Variants in NCAM1 observed in about 807,000 individuals in gnomAD.
NCAM1 encodes the protein antigen recognized by monoclonal antibody 5.1H11.
NCAM1 carries 14 observed loss-of-function variants against 109.8 expected under a neutral mutation model. The observed-to-expected ratio is 0.13, with a 90% confidence interval of 0.08 to 0.20. The LOEUF is 0.20. NCAM1 is among the 10% of genes least tolerant of loss of function. The probability of loss-of-function intolerance (pLI) is 1.00; values close to 1 mark genes in which losing one functional copy is unlikely to be tolerated. For synonymous variants in NCAM1, 418 were observed against 442.9 expected, an observed-to-expected ratio of 0.94 and a Z score of 0.70; for missense variants, 774 against 1,109.9, an observed-to-expected ratio of 0.70 and a Z score of 4.30.
chr11:112,962,934 C>T lies in NCAM1; in HGVS notation c.52+1270C>T, dbSNP rs2134422489. Among the ~76,000 whole-genome samples, 1 of 152,126 alleles carries T rather than the reference C, an allele frequency of 6.6e-6. No homozygotes were observed. Among genetic ancestry groups the T allele is most frequent in the East Asian group, 2.0e-4 (1 of 5,104 alleles). The stretch of plus-strand genomic sequence containing the variant: ...GAGGGGCTGTGTGTCGCGGTCGCAG[C>T]TCCAGGTACCGTTGTACCTGCCCTG... On this transcript the variant is annotated intron_variant, in intron 1 of 19. Transcript: ENST00000316851. The surrounding 1 kb of genome is among the most constrained non-coding windows in gnomAD (Gnocchi z 5.6).
At chr11:113,020,470 C>T (rs146986558) in intron 1 of NCAM1, among the ~76,000 whole-genome samples, 149 of 152,210 alleles carry the variant, frequency 9.8e-4, no homozygotes, top group African/African-American at 3.4e-3. Context: ...TCACAGACAA[C>T]GATCTCTTGC....
chr11:112,988,841 AG>A (rs1951385087), intron 1 of NCAM1, among the ~76,000 whole-genome samples: 1 of 147,776 alleles, frequency 6.8e-6, no homozygotes, highest in Non-Finnish European at 1.5e-5. Flanking sequence ...TCTGTCTCTT[AG>A]GTTCAAGTGA....
chr11:112,998,024 C>G (rs182076212), intron 1 of NCAM1, among the ~76,000 whole-genome samples: 1 of 152,262 alleles, frequency 6.6e-6, no homozygotes, highest in Admixed American at 6.5e-5. Flanking sequence ...AGGAGCTCAG[C>G]AGAGGGCAGA....
chr11:113,266,495 C>T (rs915002031), intron 17 of NCAM1, among the ~76,000 whole-genome samples: 1 of 152,136 alleles, frequency 6.6e-6, no homozygotes, highest in African/African-American at 2.4e-5. Flanking sequence ...GCACAGTGCA[C>T]CCTGGGGTGG....
intron 1 of NCAM1, among the ~76,000 whole-genome samples, chr11:113,181,248 T>TGTG (rs1231769715): frequency 6.6e-6 from 1 of 152,188 alleles, no homozygotes; most frequent in Non-Finnish European, 1.5e-5. Flanking sequence ...CTGCCAGCCC[T>TGTG]GTGGTTCCAA....
intron 1 of NCAM1, among the ~76,000 whole-genome samples, chr11:112,996,219 G>A (rs113619724): frequency 0.011 from 1,677 of 152,136 alleles, 26 homozygotes; most frequent in African/African-American, 0.039. Context: ...TTCCTACTTA[G>A]CATTATTTTA....
intron 1 of NCAM1, among the ~76,000 whole-genome samples, chr11:113,146,412 C>T (rs1352066259): frequency 6.6e-6 from 1 of 152,144 alleles, no homozygotes; most frequent in Non-Finnish European, 1.5e-5. Flanking sequence ...TTATATTCCT[C>T]ATTGGATTCC....
At chr11:113,161,637 A>G (rs1942603743) in intron 1 of NCAM1, among the ~76,000 whole-genome samples, 2 of 152,182 alleles carry the variant, frequency 1.3e-5, no homozygotes, top group Admixed American at 1.3e-4. Flanking sequence ...CTGCCTGTTG[A>G]GTATGGTCAG....
chr11:113,271,732 G>T (rs1555125381), intron 18 of NCAM1, 28 bp from the exon 19 acceptor site: 1 of 1,529,642 alleles, frequency 6.5e-7, no homozygotes, highest in Non-Finnish European at 8.9e-7. Context: ...GCTGCCCTAG[G>T]GTCTAACCAG....
intron 1 of NCAM1, among the ~76,000 whole-genome samples, chr11:113,151,538 A>C (rs569576551): frequency 2.6e-5 from 4 of 152,236 alleles, no homozygotes; most frequent in Non-Finnish European, 4.4e-5. Flanking sequence ...CAGGTTTGCC[A>C]TTGTGTAGAA....
chr11:113,244,588 C>T (rs1565525881), intron 14 of NCAM1, among the ~76,000 whole-genome samples: 1 of 152,004 alleles, frequency 6.6e-6, no homozygotes, highest in Non-Finnish European at 1.5e-5. Context: ...TGTGAATATC[C>T]ATCGATCATC....
chr11:113,146,161 G>T (rs1398133789), intron 1 of NCAM1, among the ~76,000 whole-genome samples: 1 of 152,134 alleles, frequency 6.6e-6, no homozygotes, highest in Non-Finnish European at 1.5e-5. Context: ...TGACATCATT[G>T]GGGAGCTTTA....
At chr11:113,206,227 G>A in intron 5 of NCAM1, 47 bp downstream of exon 5, 3 of 1,536,504 alleles carry the variant, frequency 2.0e-6, no homozygotes, top group African/African-American at 1.4e-5. Context: ...TACAACCTTG[G>A]TTCTCCAAAA....
intron 14 of NCAM1, chr11:113,243,724 T>C: frequency 3.0e-6 from 1 of 336,892 alleles, no homozygotes; most frequent in Admixed American, 3.2e-5. Flanking sequence ...GATTTTATAA[T>C]ATTTCTGCTT....
At chr11:113,046,095 C>A (rs1953258095) in intron 1 of NCAM1, among the ~76,000 whole-genome samples, 1 of 152,098 alleles carries the variant, frequency 6.6e-6, no homozygotes, top group Non-Finnish European at 1.5e-5. Context: ...CACAGGAGTG[C>A]CCATTAGCCT....
chr11:113,120,277 A>G (rs1940901816), intron 1 of NCAM1, among the ~76,000 whole-genome samples: 1 of 152,378 alleles, frequency 6.6e-6, no homozygotes, highest in Non-Finnish European at 1.5e-5. Context: ...GTGGGCTGAC[A>G]TTATCCAAGG....
chr11:113,255,800 T>A, intron 15 of NCAM1, 77 bp from the exon 16 acceptor site: 1 of 1,520,332 alleles, frequency 6.6e-7, no homozygotes, highest in Non-Finnish European at 9.0e-7. Context: ...CCCCACCCTG[T>A]CACTCCATCC....
intron 1 of NCAM1, among the ~76,000 whole-genome samples, chr11:113,082,720 C>A (rs896142274): frequency 2.6e-5 from 4 of 152,184 alleles, no homozygotes; most frequent in African/African-American, 7.2e-5. Flanking sequence ...CAGGACAATG[C>A]CGGATCATGT....
At chr11:113,175,683 CCTGTTTTT>C (rs548796025) in intron 1 of NCAM1, among the ~76,000 whole-genome samples, 2 of 152,180 alleles carry the variant, frequency 1.3e-5, no homozygotes, top group Non-Finnish European at 2.9e-5. Context: ...TCTTTGTTTT[CCTGTTTTT>C]CATACCATTC....
Sources: gnomAD v4.1 joint callset for allele counts (sites outside exome capture counted in the v4.1 genomes callset) on GRCh38, gnomAD v4.1.1 for gene constraint, Gnocchi (gnomAD v3.1) non-coding constraint, MANE v1.5 for transcripts, NCBI Gene and HGNC (gene_info 2026-07-23, HGNC 2026-07-21) for gene names.